The following USP34 variants were observed in gnomAD, a reference collection of about 807,000 sequenced individuals.
The protein encoded by USP34 is ubiquitin carboxyl-terminal hydrolase 34.
A neutral mutation model predicts 460.3 loss-of-function variants in USP34; 70 were observed. That is an observed-to-expected ratio of 0.15 (90% CI 0.13 to 0.19). The LOEUF (loss-of-function observed/expected upper bound fraction) is 0.19, where lower values mean the gene tolerates loss of function less well. Ranked by LOEUF, USP34 falls within the 10% of genes least tolerant of loss-of-function variation. The pLI, the probability that USP34 is intolerant of heterozygous loss-of-function variation, is 1.00. For missense variants in USP34, 3,985 were observed against 4,236.2 expected, an observed-to-expected ratio of 0.94 and a Z score of 1.65; for synonymous variants, 1,647 against 1,405.3, an observed-to-expected ratio of 1.17 and a Z score of -3.85.
intron 51 of USP34, 43 bp downstream of exon 51, chr2:61,245,167 T>C (rs1328083578): frequency 2.0e-6 from 3 of 1,498,038 alleles, no homozygotes; most frequent in Non-Finnish European, 9.3e-7. Flanking sequence ...GACAAAGCAC[T>C]TGGAAGGACA....
At chr2:61,301,317 A>G in intron 28 of USP34, 37 bp downstream of exon 28, 1 of 1,598,254 alleles carries the variant, frequency 6.3e-7, no homozygotes, top group Non-Finnish European at 8.6e-7. Context: ...GATTATAAAC[A>G]GATCATTAAA....
chr2:61,304,296 C>T (rs969178208), intron 27 of USP34, among the ~76,000 whole-genome samples: 8 of 152,148 alleles, frequency 5.3e-5, no homozygotes, highest in African/African-American at 1.9e-4. Flanking sequence ...TGATTAATTG[C>T]TACTCTAATA....
At chr2:61,404,006 A>G (rs1693796227) in intron 3 of USP34, among the ~76,000 whole-genome samples, 1 of 150,184 alleles carries the variant, frequency 6.7e-6, no homozygotes, top group African/African-American at 2.4e-5. Flanking sequence ...AAAAAAAAAA[A>G]AAAAAAAAAA....
At chr2:61,199,560 A>G (rs961881770) in intron 75 of USP34, among the ~76,000 whole-genome samples, 14 of 152,182 alleles carry the variant, frequency 9.2e-5, no homozygotes, top group African/African-American at 2.7e-4. Flanking sequence ...CCTGCCCCCA[A>G]TGAAGTCTTT....
rs569274798 is a variant in USP34, at chr2:61,334,134, A to G, written c.2745-163T>C. 9.2e-5 allele frequency among the ~76,000 whole-genome samples: 14 copies of G among 152,270 alleles called. No homozygotes were observed. The Middle Eastern group carries it at 0.01, about 111-fold the overall frequency. On this transcript the variant is annotated intron_variant, in intron 18 of 79. Transcript: ENST00000398571. ...TCTCAGAAGTATAAATTCATTTTACATATTAGGGCAAGAACTGCAAGTTTA... is the reference window on the plus strand; with the variant it reads ...TCTCAGAAGTATAAATTCATTTTACGTATTAGGGCAAGAACTGCAAGTTTA...
chr2:61,371,346 T>C (rs1692618381), intron 8 of USP34, among the ~76,000 whole-genome samples: 1 of 152,008 alleles, frequency 6.6e-6, no homozygotes, highest in Admixed American at 6.6e-5. Flanking sequence ...TATGTATTTA[T>C]TATACTTTTC....
intron 67 of USP34, 119 bp from the exon 68 acceptor site, chr2:61,214,813 G>A: frequency 8.6e-7 from 1 of 1,161,728 alleles, no homozygotes; most frequent in Non-Finnish European, 1.2e-6. Flanking sequence ...AAAGGGACAT[G>A]AACATCTCTT....
intron 3 of USP34, among the ~76,000 whole-genome samples, chr2:61,401,205 G>T (rs1183334633): frequency 6.7e-6 from 1 of 148,834 alleles, no homozygotes; most frequent in Non-Finnish European, 1.5e-5. Flanking sequence ...TATTTCATCT[G>T]TCTGATTATA....
At chr2:61,420,271 C>T (rs1694318277) in intron 2 of USP34, among the ~76,000 whole-genome samples, 1 of 152,112 alleles carries the variant, frequency 6.6e-6, no homozygotes, top group African/African-American at 2.4e-5. Context: ...TTTTTATAAA[C>T]TTTGATTATA....
chr2:61,417,119 A>C lies in USP34; in HGVS notation c.131+3627T>G, dbSNP rs1053074120. 8.4e-6 allele frequency: 13 copies of C among 1,550,380 alleles called. No individual in the cohort carries two copies. The Admixed American group carries it at 2.2e-4, about 26-fold the overall frequency. On this transcript the variant is annotated intron_variant, in intron 2 of 79. Transcript: ENST00000398571. ...TTGTTCTGCAGCTTGGTATGGATGG[A>C]CATAACTTGGCCAATGTGAACCCTG... is the stretch of plus-strand genomic sequence containing the variant.
intron 41 of USP34, 108 bp from the exon 42 acceptor site, chr2:61,266,275 G>A (rs1469414426): frequency 2.9e-5 from 31 of 1,058,640 alleles, no homozygotes; most frequent in Admixed American, 5.4e-5. Context: ...ACTCAAAAAC[G>A]TATAGCAGCA....
chr2:61,310,454 C>A (rs1371927181), intron 27 of USP34, among the ~76,000 whole-genome samples: 1 of 151,760 alleles, frequency 6.6e-6, no homozygotes, highest in Non-Finnish European at 1.5e-5. Flanking sequence ...GAAATGTTTT[C>A]TAAGATAATG....
intron 10 of USP34, 51 bp from the exon 11 acceptor site, chr2:61,350,744 T>C (rs769645202): frequency 3.2e-6 from 5 of 1,563,488 alleles, no homozygotes; most frequent in East Asian, 2.3e-5. Context: ...CCAATACATG[T>C]AGATTACCTG....
intron 75 of USP34, among the ~76,000 whole-genome samples, chr2:61,193,853 A>G (rs1035523372): frequency 2.0e-4 from 31 of 152,240 alleles, no homozygotes; most frequent in African/African-American, 7.2e-4. Context: ...CTTTGTGGCC[A>G]TGCTCTGTTA....
chr2:61,384,165 A>G (rs1027711323), intron 5 of USP34, among the ~76,000 whole-genome samples: 11 of 152,370 alleles, frequency 7.2e-5, no homozygotes, highest in South Asian at 2.1e-4. Context: ...TAAGTTTACT[A>G]TAAGTAACTT....
In USP34 at chr2:61,188,331, G is replaced by A. The variant is rs751910261; in HGVS notation, c.10412C>T (p.Thr3471Ile). The change falls in exon 80 of 80, where the codon ACT becomes ATT. Residue 3471 changes from threonine to isoleucine, a missense_variant. Physicochemically the swap from Thr to Ile is moderately conservative, Grantham distance 89. This residue lies in a region of USP34 where 506 missense variants were observed against 439.0 expected (regional missense o/e 1.15). Transcript: ENST00000398571. ...LAEEESEFPS[T>I]SISAVLSDLA... ...GTCAGACAGAACTGCAGAGATAGAA[G>A]TAGAAGGGAACTCAGATTCTTCCTC... The A allele has an allele frequency of 2.5e-6, 4 of 1,613,512 alleles. No individual in the cohort carries two copies. The African/African-American group carries it at 5.3e-5, about 22-fold the overall frequency.
In USP34 at chr2:61,203,187, C is replaced by T. The variant is rs1687025089; in HGVS notation, c.9461G>A (p.Arg3154Gln). ...AAATTTTTCACAGTTGATTGCAACT[C>T]GGCATAATAGATGGATGAACTGATG... ...SYHQFIHLLC[R>Q]VAINCEKFTE... The change falls in exon 75 of 80, where the codon CGA (arginine) becomes CAA (glutamine). Residue 3154 changes from arginine (R) to glutamine (Q), a missense_variant. Arg to Gln is a conservative substitution (Grantham distance 43, BLOSUM62 1). Coordinates refer to ENST00000398571, the MANE Select transcript of USP34 (RefSeq NM_014709.4). The T allele has an allele frequency of 4.4e-6, 7 of 1,599,436 alleles. No homozygotes were observed. Among genetic ancestry groups the T allele is most frequent in the East Asian group, 2.3e-5 (1 of 44,364 alleles).
intron 27 of USP34, among the ~76,000 whole-genome samples, chr2:61,306,444 C>G (rs1318642996): frequency 6.6e-6 from 1 of 152,132 alleles, no homozygotes; most frequent in South Asian, 2.1e-4. Context: ...TGTTTTGGTA[C>G]CAGTACCATG....
intron 20 of USP34, among the ~76,000 whole-genome samples, chr2:61,330,080 G>C (rs1401360906): frequency 6.6e-6 from 1 of 152,150 alleles, no homozygotes; most frequent in Non-Finnish European, 1.5e-5. Context: ...CAAAAAGGTA[G>C]AGATTAATGG....
Sources: gnomAD v4.1 joint callset for allele counts (sites outside exome capture counted in the v4.1 genomes callset) on GRCh38, gnomAD v4.1.1 for gene constraint, gnomAD v4.1.1 regional missense constraint, MANE v1.5 for transcripts, NCBI Gene and HGNC (gene_info 2026-07-23, HGNC 2026-07-21) for gene names.